MTURN: variants seen among roughly 807,000 people sequenced by gnomAD.
MTURN encodes the protein maturin, neural progenitor differentiation regulator homolog.
In MTURN, 7 loss-of-function variants were observed where a neutral mutation model predicts 14.9. The observed-to-expected ratio is 0.47, with a 90% CI of 0.27 to 0.88. MTURN has a LOEUF of 0.88. Among genes scored for constraint, MTURN ranks in the 40% least tolerant of loss-of-function variants. The pLI is 0.14. For missense variants in MTURN, 151 were observed against 174.1 expected, an observed-to-expected ratio of 0.87 and a Z score of 0.75; for synonymous variants, 69 against 72.5, an observed-to-expected ratio of 0.95 and a Z score of 0.25.
At chr7:30,149,325 A>T (rs1797173641) in intron 2 of MTURN, among the ~76,000 whole-genome samples, 1 of 152,014 alleles carries the variant, frequency 6.6e-6, no homozygotes, top group Non-Finnish European at 1.5e-5. Flanking sequence ...GTGGGCAGGG[A>T]TGTGGCTCCC....
intron 1 of MTURN, among the ~76,000 whole-genome samples, chr7:30,136,710 G>A (rs1169832928): frequency 2.0e-5 from 3 of 152,206 alleles, no homozygotes; most frequent in Non-Finnish European, 4.4e-5. Flanking sequence ...CCAGAAGAGG[G>A]ATGGCCTTGT....
At chr7:30,151,552 C>T (rs1290571239) in intron 2 of MTURN, among the ~76,000 whole-genome samples, 1 of 152,160 alleles carries the variant, frequency 6.6e-6, no homozygotes. Flanking sequence ...CTACTATTTC[C>T]AATTTAGCAG....
At chr7:30,143,305 G>T (rs1296721410) in intron 1 of MTURN, among the ~76,000 whole-genome samples, 1 of 150,796 alleles carries the variant, frequency 6.6e-6, no homozygotes, top group Non-Finnish European at 1.5e-5. Flanking sequence ...CTCATACCTT[G>T]CTCTGTTTGT....
At chr7:30,142,871 G>T (rs1487590588) in intron 1 of MTURN, among the ~76,000 whole-genome samples, 2 of 152,226 alleles carry the variant, frequency 1.3e-5, no homozygotes, top group Non-Finnish European at 2.9e-5. Context: ...GCGTTGCATT[G>T]TTCAGCGCTA....
chr7:30,151,189 T>C (rs1267255110), intron 2 of MTURN, among the ~76,000 whole-genome samples: 1 of 152,242 alleles, frequency 6.6e-6, no homozygotes, highest in Non-Finnish European at 1.5e-5. Context: ...TTTTTCTTGC[T>C]ACTGGCATGT....
rs1797309728 is a variant in MTURN at position 30,157,780 on chromosome 7, T to A, written c.*232T>A. On this transcript the variant is annotated 3_prime_UTR_variant, in exon 3 of 3. Coordinates refer to ENST00000324453, the MANE Select transcript of MTURN (RefSeq NM_152793.3). ...CAGTGGGGTTTCTATGGAGTTGTCT[T>A]GGTAGCCTTTGCCATTTTGAATTTA... The A allele has an allele frequency of 3.7e-6, 1 of 270,456 alleles. No homozygotes were observed. The highest frequency in any genetic ancestry group is 2.2e-5 in the African/African-American group (1 of 44,834). 16.8% of individuals were successfully genotyped at this position (270,456 alleles called of 1,614,324 possible). A position where few individuals can be genotyped will look rare whatever the true frequency, so the allele number is the denominator to read the frequency against.
chr7:30,157,794 A>G lies in MTURN; in HGVS notation c.*246A>G, dbSNP rs546554569. 8.3e-6 allele frequency: 2 copies of G among 242,366 alleles called. No individual in the cohort carries two copies. Among genetic ancestry groups the G allele is most frequent in the South Asian group, 2.0e-4 (2 of 9,792 alleles). The allele number at this position is 242,366 out of a possible 1,614,324, so 15.0% of individuals were successfully genotyped here. A position where few individuals can be genotyped will look rare whatever the true frequency, so the allele number is the denominator to read the frequency against. ...TGGAGTTGTCTTGGTAGCCTTTGCC[A>G]TTTTGAATTTAGAGTCCATTTTGTG... On this transcript the variant is annotated 3_prime_UTR_variant, in exon 3 of 3. Transcript: ENST00000324453.
At chr7:30,140,579 C>T (rs1797036318) in intron 1 of MTURN, among the ~76,000 whole-genome samples, 1 of 152,106 alleles carries the variant, frequency 6.6e-6, no homozygotes, top group East Asian at 1.9e-4. Context: ...TTAAACTCTA[C>T]CCTGTTTCCT....
chr7:30,137,641 A>T (rs1796985237), intron 1 of MTURN: 2 of 471,096 alleles, frequency 4.2e-6, no homozygotes, highest in Non-Finnish European at 8.8e-6. Context: ...AATGGACAAG[A>T]TGCCAACCTC....
Position 30,149,179 on chromosome 7 carries a change from G to A in MTURN, c.285+2880G>A, listed in dbSNP as rs150168025. ...AACAAATGCGGTCCAAAAGAAATCCGGATGTGCAGCTGAAAGCAGTTGGAT... is the reference window on the plus strand; with the variant it reads ...AACAAATGCGGTCCAAAAGAAATCCAGATGTGCAGCTGAAAGCAGTTGGAT... On this transcript the variant is annotated intron_variant, in intron 2 of 2. Coordinates refer to ENST00000324453, the MANE Select transcript of MTURN (RefSeq NM_152793.3). Among the ~76,000 whole-genome samples, 4 of 152,342 alleles carry A rather than the reference G, an allele frequency of 2.6e-5. No homozygotes were observed. In the East Asian group the frequency reaches 5.8e-4, roughly 22 times the overall value.
At chr7:30,137,462 T>G (rs901250903) in intron 1 of MTURN, 3 of 383,548 alleles carry the variant, frequency 7.8e-6, no homozygotes, top group South Asian at 4.0e-5. Flanking sequence ...ATCAGGCCTT[T>G]CTCTTGAGGC....
chr7:30,136,655 C>T (rs951832790), intron 1 of MTURN, among the ~76,000 whole-genome samples: 1 of 152,014 alleles, frequency 6.6e-6, no homozygotes, highest in Admixed American at 6.5e-5. Flanking sequence ...ACACGCACCC[C>T]CTGAGGAGGG....
chr7:30,139,292 C>T (rs1583502205), intron 1 of MTURN, among the ~76,000 whole-genome samples: 1 of 152,288 alleles, frequency 6.6e-6, no homozygotes, highest in Non-Finnish European at 1.5e-5. Context: ...TTACATATGC[C>T]AACTCATTTA....
intron 1 of MTURN, 144 bp downstream of exon 1, chr7:30,135,442 C>T: frequency 1.5e-6 from 1 of 664,574 alleles, no homozygotes; most frequent in Non-Finnish European, 1.9e-6. Flanking sequence ...GCGTGCTCCG[C>T]CGGGGAAGCC....
chr7:30,146,036 C>G, intron 1 of MTURN, 141 bp from the exon 2 acceptor site: 1 of 1,579,796 alleles, frequency 6.3e-7, no homozygotes, highest in South Asian at 1.2e-5. Context: ...ATCAAGAACG[C>G]ATGTATGAAT....
chr7:30,138,781 C>T (rs538950197), intron 1 of MTURN, among the ~76,000 whole-genome samples: 1 of 152,274 alleles, frequency 6.6e-6, no homozygotes, highest in Non-Finnish European at 1.5e-5. Flanking sequence ...CTTACCCTGG[C>T]CCCAAGCCCC....
At chr7:30,148,593 C>T (rs188593494) in intron 2 of MTURN, among the ~76,000 whole-genome samples, 3 of 152,262 alleles carry the variant, frequency 2.0e-5, no homozygotes, top group South Asian at 2.1e-4. Flanking sequence ...GGGACGGTCA[C>T]GGCAGAGGCG....
rs1288419747 is a variant in MTURN, at chr7:30,135,090, T to G, written c.-47T>G. 9 of 1,364,710 alleles carry G rather than the reference T, an allele frequency of 6.6e-6. No homozygotes were observed. Among genetic ancestry groups the G allele is most frequent in the Middle Eastern group, 2.2e-4 (1 of 4,640 alleles). The allele number at this position is 1,364,710 out of a possible 1,614,324, so 84.5% of individuals were successfully genotyped here. The stretch of plus-strand genomic sequence containing the variant: ...GCTGCCCGCCCGGGAGGAGGGCGCC[T>G]AGGAGCGGGAGGGCGGGCGGCGGCG... On this transcript the variant is annotated 5_prime_UTR_variant, in exon 1 of 3. Transcript: ENST00000324453.
chr7:30,159,620 G>A lies in MTURN; in HGVS notation c.*2072G>A, dbSNP rs773059530. 2 of 152,692 alleles carry A rather than the reference G, an allele frequency of 1.3e-5. No homozygotes were observed. Among genetic ancestry groups the A allele is most frequent in the African/African-American group, 2.4e-5 (1 of 41,544 alleles). 9.5% of individuals were successfully genotyped at this position (152,692 alleles called of 1,614,324 possible). A position where few individuals can be genotyped will look rare whatever the true frequency, so the allele number is the denominator to read the frequency against. ...AAATTGAGTGGAGATAGATAGACTC[G>A]GCCATTCTGTGGGCTGATGAGAATT... On this transcript the variant is annotated 3_prime_UTR_variant, in exon 3 of 3. Transcript: ENST00000324453.
Sources: gnomAD v4.1 joint callset for allele counts (sites outside exome capture counted in the v4.1 genomes callset) on GRCh38, gnomAD v4.1.1 for gene constraint, MANE v1.5 for transcripts, NCBI Gene and HGNC (gene_info 2026-07-23, HGNC 2026-07-21) for gene names.